Variants in PIK3C2A observed in about 807,000 individuals in gnomAD.
The protein encoded by PIK3C2A is phosphatidylinositol-4-phosphate 3-kinase catalytic subunit type 2 alpha.
In PIK3C2A, 97 loss-of-function variants were observed where a neutral mutation model predicts 204.5. The ratio of observed to expected loss-of-function variants is 0.47; its 90% CI spans 0.40 to 0.56. The LOEUF is 0.56. PIK3C2A is among the 20% of genes least tolerant of loss of function. The pLI is 0.00. For synonymous variants in PIK3C2A, 653 were observed against 664.4 expected, an observed-to-expected ratio of 0.98 and a Z score of 0.26; for missense variants, 1,735 against 1,969.2, an observed-to-expected ratio of 0.88 and a Z score of 2.25.
chr11:17,138,365 T>A, intron 8 of PIK3C2A: 1 of 411,988 alleles, frequency 2.4e-6, no homozygotes, highest in African/African-American at 2.0e-5. Flanking sequence ...AGCTGAGTAG[T>A]CCTCAAAGAC....
intron 1 of PIK3C2A, among the ~76,000 whole-genome samples, chr11:17,180,445 T>A (rs1001106500): frequency 2.0e-5 from 3 of 151,834 alleles, no homozygotes; most frequent in African/African-American, 7.3e-5. Context: ...TTTTTGCTAT[T>A]CCTATCACAA....
At chr11:17,146,987 AAAC>A (rs1850264490) in intron 6 of PIK3C2A, among the ~76,000 whole-genome samples, 1 of 152,210 alleles carries the variant, frequency 6.6e-6, no homozygotes, top group African/African-American at 2.4e-5. Flanking sequence ...TCACGCAGTA[AAAC>A]AAAATGGCTA....
intron 11 of PIK3C2A, 110 bp from the exon 12 acceptor site, chr11:17,132,148 T>C: frequency 1.6e-6 from 1 of 639,962 alleles, no homozygotes; most frequent in Non-Finnish European, 2.6e-6. Flanking sequence ...TGAAATAATC[T>C]GGTCACCTTT....
intron 1 of PIK3C2A, among the ~76,000 whole-genome samples, chr11:17,196,166 C>A (rs546658978): frequency 6.8e-4 from 104 of 152,118 alleles, no homozygotes; most frequent in African/African-American, 2.3e-3. Flanking sequence ...AATCAGAAAT[C>A]TCTCCAAAAA....
intron 2 of PIK3C2A, among the ~76,000 whole-genome samples, chr11:17,156,751 C>T (rs1850606310): frequency 6.6e-6 from 1 of 152,140 alleles, no homozygotes; most frequent in Non-Finnish European, 1.5e-5. Flanking sequence ...ATGTGATATA[C>T]ACATTTGGAG....
intron 21 of PIK3C2A, 63 bp from the exon 22 acceptor site, chr11:17,110,624 T>C: frequency 6.8e-7 from 1 of 1,466,286 alleles, no homozygotes; most frequent in Non-Finnish European, 9.2e-7. Flanking sequence ...GATTACATAC[T>C]ATGAAAGCTG....
intron 8 of PIK3C2A, among the ~76,000 whole-genome samples, chr11:17,143,622 T>A (rs1371197177): frequency 3.1e-4 from 2 of 6,352 alleles, no homozygotes; most frequent in Non-Finnish European, 6.5e-4. Context: ...AAAGAATATG[T>A]TAAAAAAAAA....
intron 15 of PIK3C2A, 63 bp downstream of exon 15, chr11:17,122,125 G>A: frequency 1.0e-6 from 1 of 981,350 alleles, no homozygotes; most frequent in Admixed American, 2.1e-5. Flanking sequence ...TTTAATGTAA[G>A]TCCTAACTTG....
chr11:17,092,346 A>T (rs1437429544), intron 28 of PIK3C2A, 70 bp from the exon 29 acceptor site: 1 of 773,014 alleles, frequency 1.3e-6, no homozygotes, highest in African/African-American at 1.7e-5. Context: ...ACACTTTTTC[A>T]TATATACTTA....
chr11:17,173,203 A>T (rs1565290981), intron 1 of PIK3C2A, among the ~76,000 whole-genome samples: 1 of 152,182 alleles, frequency 6.6e-6, no homozygotes, highest in Non-Finnish European at 1.5e-5. Flanking sequence ...TTCTGGTTGC[A>T]GAACCTACGG....
At position 17,107,292 on chromosome 11, in the gene PIK3C2A, A is replaced by G. The variant is rs1301105448; in HGVS notation, c.3545-1987T>C. The stretch of plus-strand genomic sequence containing the variant: ...GGCGCCATTGCACTCCAGCCTGGGC[A>G]ACAGTGCAAGGCTCCGTCTCAAAAA... On this transcript the variant is annotated intron_variant, in intron 22 of 32. Coordinates refer to ENST00000691414, the MANE Select transcript of PIK3C2A (RefSeq NM_002645.4). Among the ~76,000 whole-genome samples the G allele has an allele frequency of 2.6e-5, 4 of 152,330 alleles. No homozygotes were observed. The East Asian group carries it at 5.8e-4, about 22-fold the overall frequency.
intron 1 of PIK3C2A, among the ~76,000 whole-genome samples, chr11:17,186,421 C>T (rs569321108): frequency 1.4e-3 from 210 of 152,098 alleles, no homozygotes; most frequent in Non-Finnish European, 2.2e-3. Flanking sequence ...CTGCTATATT[C>T]CCAGCACTCT....
chr11:17,142,298 G>C (rs552322682), intron 8 of PIK3C2A, among the ~76,000 whole-genome samples: 19 of 152,226 alleles, frequency 1.2e-4, no homozygotes, highest in African/African-American at 4.3e-4. Context: ...GATATACCAA[G>C]ATCACCTAGG....
intron 23 of PIK3C2A, among the ~76,000 whole-genome samples, chr11:17,103,782 A>G (rs540561725): frequency 5.9e-5 from 9 of 152,364 alleles, no homozygotes; most frequent in East Asian, 5.8e-4. Flanking sequence ...TCCAGGCAAT[A>G]TGACTTCACT....
At position 17,118,672 on chromosome 11, in the gene PIK3C2A, T is replaced by C. The variant is rs369057495; in HGVS notation, c.3008A>G (p.Asn1003Ser). Residue 1003 changes from asparagine to serine, a missense_variant, in exon 18 of 33, where the codon AAT becomes AGT. Around this residue, in one of 6 missense-constraint regions of PIK3C2A, gnomAD observed 567 missense variants for 576.0 expected, o/e 0.98. Transcript: ENST00000691414. ...ATATAAATTGTGTGCTATCTGGATA[T>C]TTCCCAATGCCCTGGACAAAAGGAA... ...VQFLLSRALG[N>S]IQIAHNLYWL... 25 of 1,533,806 alleles carry C rather than the reference T, an allele frequency of 1.6e-5. No homozygotes were observed. In the South Asian group the frequency reaches 2.0e-4, roughly 13 times the overall value.
chr11:17,196,031 T>C (rs949161959), intron 1 of PIK3C2A, among the ~76,000 whole-genome samples: 1 of 151,868 alleles, frequency 6.6e-6, no homozygotes, highest in African/African-American at 2.4e-5. Context: ...AGAGCGAGAC[T>C]TCATCTCGAA....
intron 11 of PIK3C2A, among the ~76,000 whole-genome samples, chr11:17,132,919 T>C (rs1849748007): frequency 6.6e-6 from 1 of 152,218 alleles, no homozygotes; most frequent in Non-Finnish European, 1.5e-5. Context: ...CACAGCTGGT[T>C]GGATACAGTC....
At chr11:17,127,456 G>A (rs911964762) in intron 13 of PIK3C2A, among the ~76,000 whole-genome samples, 3 of 151,872 alleles carry the variant, frequency 2.0e-5, no homozygotes, top group Admixed American at 6.6e-5. Context: ...TTACAGATGT[G>A]CGCCACCACA....
chr11:17,153,931 G>A (rs185186670), intron 3 of PIK3C2A, among the ~76,000 whole-genome samples: 9 of 152,208 alleles, frequency 5.9e-5, no homozygotes, highest in Admixed American at 5.2e-4. Context: ...GTCACCACAG[G>A]GGAAGTTCCT....
Sources: gnomAD v4.1 joint callset for allele counts (sites outside exome capture counted in the v4.1 genomes callset) on GRCh38, gnomAD v4.1.1 for gene constraint, gnomAD v4.1.1 regional missense constraint, MANE v1.5 for transcripts, NCBI Gene and HGNC (gene_info 2026-07-23, HGNC 2026-07-21) for gene names.